The following CLEC16A variants were observed in gnomAD, a reference collection of about 807,000 sequenced individuals.
CLEC16A encodes the protein C-type lectin domain containing 16A.
Under a neutral mutation model 109.5 loss-of-function variants are expected in CLEC16A, and 51 were observed. The ratio of observed to expected loss-of-function variants is 0.47; its 90% CI spans 0.37 to 0.59. The LOEUF (loss-of-function observed/expected upper bound fraction) is 0.59. Among genes scored for constraint, CLEC16A ranks in the 20% least tolerant of loss-of-function variants. The probability of loss-of-function intolerance (pLI) is 0.00; values close to 1 mark genes in which losing one functional copy is unlikely to be tolerated. For synonymous variants in CLEC16A, 673 were observed against 564.2 expected (o/e 1.19, Z -2.73); for missense variants, 1,339 against 1,394.0 (o/e 0.96, Z 0.63).
chr16:11,031,526 T>C (rs1452786562), intron 13 of CLEC16A, among the ~76,000 whole-genome samples: 1 of 152,250 alleles, frequency 6.6e-6, no homozygotes, highest in African/African-American at 2.4e-5. Context: ...TAGAACTGTA[T>C]ATTCAAGGAA....
At chr16:10,982,721 C>A (rs2043393606) in intron 9 of CLEC16A, among the ~76,000 whole-genome samples, 157 bp from the exon 10 acceptor site, 1 of 152,218 alleles carries the variant, frequency 6.6e-6, no homozygotes, top group South Asian at 2.1e-4. Flanking sequence ...GAACCGAGTC[C>A]TGCTTCCTGT....
chr16:10,986,741 G>T (rs2043687957), intron 10 of CLEC16A, among the ~76,000 whole-genome samples: 1 of 100,982 alleles, frequency 9.9e-6, no homozygotes, highest in Admixed American at 8.8e-5. Context: ...ATGTGTGTGT[G>T]TGTGTGTGTG....
intron 22 of CLEC16A, among the ~76,000 whole-genome samples, chr16:11,143,399 G>A (rs926359267): frequency 3.3e-5 from 5 of 152,242 alleles, no homozygotes; most frequent in African/African-American, 9.6e-5. Flanking sequence ...ATGAGACATA[G>A]GGTTCATCAA....
intron 10 of CLEC16A, among the ~76,000 whole-genome samples, chr16:10,993,033 G>C (rs2044121381): frequency 6.6e-6 from 1 of 152,094 alleles, no homozygotes; most frequent in Admixed American, 6.5e-5. Context: ...ATGGGATCAG[G>C]AGAGAGGCCA....
intron 14 of CLEC16A, 115 bp downstream of exon 14, chr16:11,039,991 C>G (rs2047233335): frequency 8.0e-7 from 1 of 1,256,876 alleles, no homozygotes; most frequent in Admixed American, 2.9e-5. Flanking sequence ...CCGGGCCCAT[C>G]CCAACCTCTC....
chr16:11,168,711 A>G (rs988978266), intron 23 of CLEC16A, among the ~76,000 whole-genome samples: 2 of 152,260 alleles, frequency 1.3e-5, no homozygotes, highest in African/African-American at 4.8e-5. Flanking sequence ...AGACCAAAGC[A>G]TATGGGCTTC....
At chr16:11,134,860 G>A (rs2053466900) in intron 22 of CLEC16A, among the ~76,000 whole-genome samples, 1 of 152,222 alleles carries the variant, frequency 6.6e-6, no homozygotes, top group Non-Finnish European at 1.5e-5. Context: ...GGATGCCCCT[G>A]GTCTAGACAG....
At chr16:11,084,346 A>C (rs545554256) in intron 19 of CLEC16A, among the ~76,000 whole-genome samples, 1 of 152,228 alleles carries the variant, frequency 6.6e-6, no homozygotes, top group South Asian at 2.1e-4. Context: ...TCTTTGGTTC[A>C]TGTGGGTACC....
chr16:11,166,402 C>T lies in CLEC16A; in HGVS notation c.2656C>T (p.Gln886Ter). Reference protein sequence around the residue: ...VDKVPGFAVAQCINQHSSPSL... With the variant: ...VDKVPGFAVA The stretch of plus-strand genomic sequence containing the variant: ...TTGTCTTGCAGGCTTCGCCGTGGCC[C>T]AGTGCATAAACCAGCACAGCTCCCC... The change falls in exon 23 of 24, where the codon CAG becomes TAG. Residue 886 changes from glutamine (Q) to a stop codon, truncating the protein, a stop_gained. Transcript: ENST00000409790. LOFTEE classifies it high-confidence loss of function. 6.2e-7 allele frequency: 1 copy of T among 1,602,584 alleles called. No homozygotes were observed. The highest frequency in any genetic ancestry group is 8.5e-7 in the Non-Finnish European group (1 of 1,178,378).
intron 16 of CLEC16A, among the ~76,000 whole-genome samples, chr16:11,044,944 A>G (rs965479831): frequency 3.3e-5 from 5 of 151,948 alleles, no homozygotes; most frequent in African/African-American, 1.2e-4. Flanking sequence ...AAAAAAAAAA[A>G]ACTAATTGCC....
At chr16:11,012,672 A>T (rs2045506684) in intron 11 of CLEC16A, among the ~76,000 whole-genome samples, 1 of 151,932 alleles carries the variant, frequency 6.6e-6, no homozygotes, top group Non-Finnish European at 1.5e-5. Flanking sequence ...TTTTTGGTGA[A>T]TTAATGAATG....
In CLEC16A at chr16:10,958,032, T is replaced by C. The variant is rs908423736; in HGVS notation, c.209+122T>C. On this transcript the variant is annotated intron_variant, in intron 2 of 23. Transcript: ENST00000409790. ...ACGCTAATTTGATCTTGCCTAGATA[T>C]CTATCTCTGTCTAGCTGTAAAAAAA... 10 of 929,742 alleles carry C rather than the reference T, an allele frequency of 1.1e-5. No individual in the cohort carries two copies. The East Asian group carries it at 2.5e-4, about 23-fold the overall frequency. The allele number at this position is 929,742 out of a possible 1,614,324, so 57.6% of individuals were successfully genotyped here. A position where few individuals can be genotyped will look rare whatever the true frequency, so the allele number is the denominator to read the frequency against.
Position 11,137,587 on chromosome 16 carries a change from TAAAAAAAAAA to T in CLEC16A, c.2641+11456_2641+11465del, listed in dbSNP as rs5815617. Among the ~76,000 whole-genome samples, 258 of 59,346 alleles carry T rather than the reference TAAAAAAAAAA, an allele frequency of 4.3e-3. 2 individuals carry two copies. The highest frequency in any genetic ancestry group is 0.016 in the African/African-American group (244 of 15,042). 38.9% of individuals were successfully genotyped at this position (59,346 alleles called of 152,430 possible). ...CTGGGTGACAGAGCGAGACTCCATC[TAAAAAAAAAA>T]AAAAAAAAAAAAAAGTGAAATGCCA... On this transcript the variant is annotated intron_variant, in intron 22 of 23. Coordinates refer to ENST00000409790, the MANE Select transcript of CLEC16A (RefSeq NM_015226.3).
At chr16:11,031,749 G>A (rs1444104542) in intron 13 of CLEC16A, among the ~76,000 whole-genome samples, 1 of 152,178 alleles carries the variant, frequency 6.6e-6, no homozygotes, top group African/African-American at 2.4e-5. Context: ...ATCCCATGTA[G>A]CGAGAAGTGC....
At chr16:10,948,144 T>C (rs564979841) in intron 1 of CLEC16A, among the ~76,000 whole-genome samples, 95 of 152,300 alleles carry the variant, frequency 6.2e-4, no homozygotes, top group South Asian at 5.2e-3. Flanking sequence ...CTGCCCTCCT[T>C]GACCTCCCAA....
chr16:11,172,415 C>G (rs937835524), intron 23 of CLEC16A, among the ~76,000 whole-genome samples: 9 of 152,196 alleles, frequency 5.9e-5, no homozygotes, highest in Non-Finnish European at 1.5e-5. Context: ...CCTTAAATAG[C>G]CCACTCACAC....
rs577515854 is a variant in CLEC16A at position 10,954,156 on chromosome 16, A to AG, written c.81-3625dup. ...CCAGGGCAAAGAACACCAAGTATTG[A>AG]GAGGCCAAGAAACAAATGGAGTTCT... is the stretch of plus-strand genomic sequence containing the variant. On this transcript the variant is annotated intron_variant, in intron 1 of 23. Coordinates refer to ENST00000409790, the MANE Select transcript of CLEC16A (RefSeq NM_015226.3). The surrounding 1 kb of genome is among the most constrained non-coding windows in gnomAD (Gnocchi z 4.2). Among the ~76,000 whole-genome samples the AG allele has an allele frequency of 1.6e-4, 24 of 152,304 alleles. 1 individual carries two copies. In the South Asian group the frequency reaches 1.7e-3, roughly 11 times the overall value.
At chr16:11,139,337 C>G (rs2053715627) in intron 22 of CLEC16A, among the ~76,000 whole-genome samples, 1 of 152,238 alleles carries the variant, frequency 6.6e-6, no homozygotes, top group Non-Finnish European at 1.5e-5. Context: ...TTCTACACTT[C>G]TTTTCTCTCT....
intron 11 of CLEC16A, among the ~76,000 whole-genome samples, chr16:11,011,577 C>A (rs7186166): frequency 2.0e-5 from 3 of 151,768 alleles, no homozygotes; most frequent in Admixed American, 1.3e-4. Context: ...TGGAATTAAC[C>A]ATTTCTCTGG....
Sources: allele counts gnomAD v4.1 joint callset (sites outside exome capture counted in the v4.1 genomes callset), GRCh38; gene constraint gnomAD v4.1.1; non-coding constraint Gnocchi (gnomAD v3.1); transcripts MANE v1.5; gene names NCBI Gene and HGNC (gene_info 2026-07-23, HGNC 2026-07-21).